Variants in TTC3 observed in about 807,000 individuals in gnomAD.
TTC3 encodes the protein tetratricopeptide repeat domain 3, also known as E3 ubiquitin-protein ligase TTC3.
A neutral mutation model predicts 249.6 loss-of-function variants in TTC3; 180 were observed. That is an observed-to-expected ratio of 0.72 (90% CI 0.64 to 0.82). The LOEUF is 0.82. TTC3 is among the 40% of genes least tolerant of loss of function. The pLI is 0.00. For missense variants in TTC3, 2,061 were observed against 2,398.4 expected (o/e 0.86, Z 2.94); for synonymous variants, 717 against 805.0 (o/e 0.89, Z 1.85).
At chr21:37,146,878 A>G (rs1301151960) in intron 21 of TTC3, among the ~76,000 whole-genome samples, 2 of 152,220 alleles carry the variant, frequency 1.3e-5, no homozygotes, top group Admixed American at 1.3e-4. Context: ...TAAAAAATAC[A>G]ACACAGGGAT....
chr21:37,076,694 A>ATTTTT (rs61629167), intron 1 of TTC3, among the ~76,000 whole-genome samples: 2,298 of 94,886 alleles, frequency 0.024, 233 homozygotes, highest in East Asian at 0.15. Flanking sequence ...AAACAAAGGG[A>ATTTTT]TTTTTTTTTT....
At chr21:37,141,091 G>C (rs1468134285) in intron 20 of TTC3, among the ~76,000 whole-genome samples, 1 of 152,146 alleles carries the variant, frequency 6.6e-6, no homozygotes, top group Non-Finnish European at 1.5e-5. Flanking sequence ...TCATGAGTGA[G>C]TTAGGAATAT....
chr21:37,187,022 GTT>G (rs146377031), intron 37 of TTC3, 25 bp from the exon 38 acceptor site: 2 of 1,358,680 alleles, frequency 1.5e-6, no homozygotes, highest in Non-Finnish European at 9.9e-7. Flanking sequence ...GTTCAAGAAA[GTT>G]TTTTTTTTCC....
At chr21:37,185,803 A>G (rs1225490044) in intron 37 of TTC3, 29 bp downstream of exon 37, 2 of 1,406,296 alleles carry the variant, frequency 1.4e-6, no homozygotes, top group South Asian at 3.0e-5. Flanking sequence ...TATTTTTAAT[A>G]TATTTTAATA....
chr21:37,153,424 C>CAAGT, intron 27 of TTC3, 147 bp downstream of exon 27: 2 of 805,366 alleles, frequency 2.5e-6, no homozygotes, highest in Non-Finnish European at 3.6e-6. Context: ...TTTCCAGTCC[C>CAAGT]AGCTACTTGG....
exon 11 of TTC3, chr21:37,108,440 G>C (rs903248334): frequency 1.9e-6 from 3 of 1,612,016 alleles, no homozygotes; most frequent in Non-Finnish European, 2.5e-6. Flanking sequence ...AGAACACTTG[G>C]CCAAAGGTAG....
At chr21:37,140,124 G>C (rs377053562) in intron 19 of TTC3, among the ~76,000 whole-genome samples, 1 of 152,174 alleles carries the variant, frequency 6.6e-6, no homozygotes, top group East Asian at 1.9e-4. Context: ...GCTTTCATCC[G>C]TCTTGTGCCA....
chr21:37,144,432 C>A, intron 20 of TTC3, 93 bp from the exon 21 acceptor site: 1 of 1,397,568 alleles, frequency 7.2e-7, no homozygotes, highest in South Asian at 1.4e-5. Context: ...CAAATGTATT[C>A]GTCCCAGTAA....
At chr21:37,147,410 A>G (rs1023402768) in intron 21 of TTC3, 71 bp from the exon 22 acceptor site, 6 of 1,395,734 alleles carry the variant, frequency 4.3e-6, no homozygotes, top group Middle Eastern at 5.2e-4. Flanking sequence ...GCAAGAGGTT[A>G]TTGAAATCAC....
intron 21 of TTC3, 124 bp downstream of exon 21, chr21:37,144,769 T>G (rs2078840158): frequency 8.5e-7 from 1 of 1,173,180 alleles, no homozygotes; most frequent in African/African-American, 1.6e-5. Flanking sequence ...GCATTTCCCC[T>G]CTACTGTCTA....
chr21:37,087,871 T>G, exon 3 of TTC3: 1 of 1,597,466 alleles, frequency 6.3e-7, no homozygotes, highest in Non-Finnish European at 8.5e-7. Flanking sequence ...GTGAGAGGAA[T>G]TTGGGTGAGT....
At chr21:37,139,869 C>G (rs1303963474) in intron 19 of TTC3, among the ~76,000 whole-genome samples, 3 of 152,138 alleles carry the variant, frequency 2.0e-5, no homozygotes, top group Non-Finnish European at 2.9e-5. Flanking sequence ...CAGAGGACAG[C>G]CCTTGCTTCA....
At chr21:37,195,407 G>A (rs1347742516) in intron 41 of TTC3, among the ~76,000 whole-genome samples, 1 of 152,308 alleles carries the variant, frequency 6.6e-6, no homozygotes, top group East Asian at 1.9e-4. Context: ...CCAGTAGGCA[G>A]GCAAAATGGT....
intron 20 of TTC3, among the ~76,000 whole-genome samples, chr21:37,143,927 G>A (rs2078737670): frequency 6.8e-6 from 1 of 146,394 alleles, no homozygotes; most frequent in South Asian, 2.2e-4. Flanking sequence ...AAAAGGATGA[G>A]TTCATGTCCT....
intron 11 of TTC3, among the ~76,000 whole-genome samples, chr21:37,118,474 T>C (rs1294114345): frequency 2.0e-5 from 3 of 152,234 alleles, no homozygotes; most frequent in Non-Finnish European, 4.4e-5. Flanking sequence ...GTGAGCATTG[T>C]GTTTTGATCT....
intron 41 of TTC3, chr21:37,195,126 A>G (rs1411048131): frequency 1.3e-5 from 2 of 152,402 alleles, no homozygotes; most frequent in African/African-American, 2.4e-5. Flanking sequence ...GAATCACCCA[A>G]GTGGATTTGC....
intron 33 of TTC3, 134 bp from the exon 34 acceptor site, chr21:37,167,421 G>T: frequency 1.8e-6 from 1 of 564,612 alleles, no homozygotes; most frequent in Non-Finnish European, 3.1e-6. Context: ...TTTACGGAAA[G>T]CATGGAACAT....
exon 35 of TTC3, chr21:37,172,620 A>T (rs1298906571): frequency 1.1e-5 from 17 of 1,612,646 alleles, no homozygotes; most frequent in Non-Finnish European, 1.3e-5. Context: ...ATTGAAAAGG[A>T]GCACCAAGTA....
chr21:37,125,952 C>T, intron 14 of TTC3, 128 bp from the exon 15 acceptor site: 2 of 729,494 alleles, frequency 2.7e-6, no homozygotes, highest in South Asian at 2.2e-5. Flanking sequence ...GCTTAATAAC[C>T]AGCTGCATAT....
Sources: gnomAD v4.1 joint callset for allele counts (sites outside exome capture counted in the v4.1 genomes callset) on GRCh38, gnomAD v4.1.1 for gene constraint, MANE v1.5 for transcripts, NCBI Gene and HGNC (gene_info 2026-07-23, HGNC 2026-07-21) for gene names.